CACNA1F: variants seen among roughly 807,000 people sequenced by gnomAD.
CACNA1F encodes calcium voltage-gated channel subunit alpha1 F.
Under a neutral mutation model 143.8 loss-of-function variants are expected in CACNA1F, and 59 were observed. The ratio of observed to expected loss-of-function variants is 0.41; its 90% CI spans 0.33 to 0.51. CACNA1F has a LOEUF of 0.51. Among genes scored for constraint, CACNA1F ranks in the 20% least tolerant of loss-of-function variants. CACNA1F has a pLI of 0.22. For synonymous variants in CACNA1F, 643 were observed against 649.1 expected (o/e 0.99, Z 0.14); for missense variants, 1,411 against 1,647.5 (o/e 0.86, Z 2.48).
chrX:49,207,561 G>A (rs1302560281), intron 43 of CACNA1F, among the ~76,000 whole-genome samples: 1 of 110,406 alleles, frequency 9.1e-6, no homozygotes, highest in Non-Finnish European at 1.9e-5. Context: ...CTCCCAAGTA[G>A]CTGGGACTAC....
rs782650571 is a variant in CACNA1F, at chrX:49,211,100, C to T, written c.4261-8G>A. On this transcript the variant is annotated splice_region_variant and splice_polypyrimidine_tract_variant and intron_variant, in intron 36 of 47. Coordinates refer to ENST00000323022, the MANE Select transcript of CACNA1F (RefSeq NM_001256789.3). ...CACAAAGAGATTTATGATCTGTGGG[C>T]CAGTGAGCAAGGGAGCAGTTAGGTG... 8.3e-7 allele frequency: 1 copy of T among 1,208,947 alleles called. No individual in the cohort carries two copies. The highest frequency in any genetic ancestry group is 1.1e-6 in the Non-Finnish European group (1 of 893,480).
intron 44 of CACNA1F, 43 bp from the exon 45 acceptor site, chrX:49,206,898 T>C (rs1296657869): frequency 8.5e-7 from 1 of 1,180,196 alleles, no homozygotes; most frequent in African/African-American, 1.8e-5. Context: ...GGTCTGGGCC[T>C]GGACCTGGGC....
Position 49,226,044 on chromosome X carries a change from C to T in CACNA1F, c.1516G>A (p.Val506Ile). 2 of 1,191,864 alleles carry T rather than the reference C, an allele frequency of 1.7e-6. No homozygotes were observed. Among genetic ancestry groups the T allele is most frequent in the Non-Finnish European group, 2.3e-6 (2 of 885,329 alleles). ...VCRRLRRANR[V>I]LRARCRRAVK... Reference sequence around the variant, plus strand: ...GCCCGACGGCAGCGTGCCCGAAGGACCCGGTTGGCTCGGCGGAGGCGGCGG... The same window carrying T: ...GCCCGACGGCAGCGTGCCCGAAGGATCCGGTTGGCTCGGCGGAGGCGGCGG... Residue 506 changes from valine (V) to isoleucine (I), a missense_variant, in exon 13 of 48, where the codon GTC becomes ATC. By Grantham distance (29) the Val-to-Ile change is conservative. Transcript: ENST00000323022.
rs781855496 is a variant in CACNA1F at position 49,212,327 on chromosome X, G to A, written c.3943-19C>T. The A allele has an allele frequency of 5.2e-6, 6 of 1,151,750 alleles. No individual in the cohort carries two copies. The South Asian group carries it at 5.4e-5, about 10-fold the overall frequency. 94.9% of individuals were successfully genotyped at this position (1,151,750 alleles called of 1,213,427 possible). ...GCAAGGCCTATAGGGATGGGGGAGG[G>A]GGGCAGAGAATAGATGCACAGGCTC... On this transcript the variant is annotated intron_variant, in intron 33 of 47. Coordinates refer to ENST00000323022, the MANE Select transcript of CACNA1F (RefSeq NM_001256789.3).
intron 17 of CACNA1F, among the ~76,000 whole-genome samples, chrX:49,221,363 C>T (rs2065773285): frequency 9.0e-6 from 1 of 111,515 alleles, no homozygotes; most frequent in Admixed American, 9.5e-5. Context: ...CCTCCACTGA[C>T]CTTCACTCCA....
intron 43 of CACNA1F, 34 bp from the exon 44 acceptor site, chrX:49,207,146 T>C (rs1369595678): frequency 3.5e-6 from 3 of 857,090 alleles, no homozygotes; most frequent in Non-Finnish European, 5.1e-6. Flanking sequence ...GCAGACCAGA[T>C]CCCTCAATAT....
chrX:49,216,555 G>C, intron 26 of CACNA1F, 27 bp from the exon 27 acceptor site: 2 of 1,172,018 alleles, frequency 1.7e-6, no homozygotes, highest in South Asian at 3.7e-5. Context: ...AGGTTAGATG[G>C]GTGAGGAGGG....
intron 27 of CACNA1F, among the ~76,000 whole-genome samples, chrX:49,216,118 C>G (rs2065712879): frequency 9.0e-6 from 1 of 110,792 alleles, no homozygotes; most frequent in African/African-American, 3.3e-5. Flanking sequence ...AGGCTTCTAT[C>G]TAGCTACCTA....
At chrX:49,221,433 G>C (rs1490536015) in intron 17 of CACNA1F, among the ~76,000 whole-genome samples, 3 of 110,942 alleles carry the variant, frequency 2.7e-5, no homozygotes, top group African/African-American at 9.8e-5. Flanking sequence ...TTTTGAGACG[G>C]AGTCTCACTC....
At chrX:49,222,402 G>A in intron 17 of CACNA1F, 120 bp downstream of exon 17, 1 of 551,134 alleles carries the variant, frequency 1.8e-6, no homozygotes, top group Admixed American at 2.7e-5. Flanking sequence ...CTGGCAGATG[G>A]TATCTGGAGA....
At chrX:49,206,693 C>T in intron 45 of CACNA1F, 35 bp downstream of exon 45, 2 of 1,205,824 alleles carry the variant, frequency 1.7e-6, no homozygotes, top group Non-Finnish European at 2.2e-6. Flanking sequence ...TCCTGCAGGC[C>T]CGTGGGGGCC....
rs1557106238 is a variant in CACNA1F at position 49,211,409 on chromosome X, A to T, written c.4173T>A (p.Ser1391=). 2 of 1,210,196 alleles carry T rather than the reference A, an allele frequency of 1.7e-6. No individual in the cohort carries two copies. The highest frequency in any genetic ancestry group is 2.2e-6 in the Non-Finnish European group (2 of 893,917). The change falls in exon 36 of 48, where the codon TCT becomes TCA. Residue 1391 remains serine (S), a synonymous_variant. Coordinates refer to ENST00000323022, the MANE Select transcript of CACNA1F (RefSeq NM_001256789.3). ...TAAACTCTTCACCAGGGCCGAAGTC[A>T]GACTCAGGATCACACCGATTTCCGG... is the stretch of plus-strand genomic sequence containing the variant. ...SLPGNRCDPE[S]DFGPGEEFTC...
chrX:49,219,505 G>A, intron 20 of CACNA1F, 55 bp from the exon 21 acceptor site: 1 of 1,188,391 alleles, frequency 8.4e-7, no homozygotes, highest in Admixed American at 2.3e-5. Flanking sequence ...ATTGTTCAGG[G>A]ATTCCAAGGG....
intron 47 of CACNA1F, 33 bp from the exon 48 acceptor site, chrX:49,205,400 C>T (rs201928002): frequency 4.6e-5 from 48 of 1,034,565 alleles, no homozygotes; most frequent in Non-Finnish European, 6.2e-5. Flanking sequence ...TGTTGACGGA[C>T]GGCACAGTGT....
chrX:49,225,525 G>C (rs782098785), intron 13 of CACNA1F, among the ~76,000 whole-genome samples: 1 of 111,176 alleles, frequency 9.0e-6, no homozygotes, highest in African/African-American at 3.3e-5. Context: ...GTGATGATAA[G>C]AGCCTGGATT....
rs782366745 is a variant in CACNA1F at position 49,224,650 on chromosome X, A to G, written c.1877+111T>C. On this transcript the variant is annotated intron_variant, in intron 14 of 47. Coordinates refer to ENST00000323022, the MANE Select transcript of CACNA1F (RefSeq NM_001256789.3). Reference sequence around the variant, plus strand: ...GTGCCTGGCACACAGCAGGCACTCAATGGATGTCTGCTCAATGAATGGTGA... The same window carrying G: ...GTGCCTGGCACACAGCAGGCACTCAGTGGATGTCTGCTCAATGAATGGTGA... The G allele has an allele frequency of 8.0e-5, 45 of 561,984 alleles. No individual in the cohort carries two copies. In the South Asian group the frequency reaches 1.1e-3, roughly 14 times the overall value. The allele number at this position is 561,984 out of a possible 1,213,427, so 46.3% of individuals were successfully genotyped here. A position where few individuals can be genotyped will look rare whatever the true frequency, so the allele number is the denominator to read the frequency against.
rs1450182756 is a variant in CACNA1F, at chrX:49,209,926, G to A, written c.4690+15C>T. On this transcript the variant is annotated intron_variant, in intron 40 of 47. Transcript: ENST00000323022. ...TCAGGGGCTGGCGCGGGGAACTGGG[G>A]CGGGGATAGCTCACCGTCTGGTGGG... 1.7e-6 allele frequency: 2 copies of A among 1,160,357 alleles called. No individual in the cohort carries two copies. The highest frequency in any genetic ancestry group is 1.2e-6 in the Non-Finnish European group (1 of 848,651).
chrX:49,209,471 G>T (rs2065633287), intron 41 of CACNA1F, 78 bp from the exon 42 acceptor site: 1 of 1,141,535 alleles, frequency 8.8e-7, no homozygotes. Flanking sequence ...GGCGGGTAGG[G>T]TGGGGGAAGG....
chrX:49,206,119 G>A (rs1266181766), intron 46 of CACNA1F, among the ~76,000 whole-genome samples: 1 of 110,806 alleles, frequency 9.0e-6, no homozygotes, highest in East Asian at 2.8e-4. Context: ...GAGGCCAGGC[G>A]CGGTGGCTTA....
Sources: allele counts gnomAD v4.1 joint callset (sites outside exome capture counted in the v4.1 genomes callset), GRCh38; gene constraint gnomAD v4.1.1; transcripts MANE v1.5; gene names NCBI Gene and HGNC (gene_info 2026-07-23, HGNC 2026-07-21).